TIMM21: variants seen among roughly 807,000 people sequenced by gnomAD.
TIMM21 encodes translocase of inner mitochondrial membrane 21.
In TIMM21, 30 loss-of-function variants were observed where a neutral mutation model predicts 27.7. The ratio of observed to expected loss-of-function variants is 1.08; its 90% CI spans 0.81 to 1.47. The LOEUF (loss-of-function observed/expected upper bound fraction) is 1.47, where lower values mean the gene tolerates loss of function less well. Among genes scored for constraint, TIMM21 ranks in the 40% most tolerant of loss-of-function variants. The probability of loss-of-function intolerance (pLI) is 0.00; values close to 1 mark genes in which losing one functional copy is unlikely to be tolerated. For synonymous variants in TIMM21, 121 were observed against 114.4 expected (o/e 1.06, Z -0.37); for missense variants, 292 against 302.9 (o/e 0.96, Z 0.27).
At chr18:74,153,854 G>GT (rs1333668986) in intron 1 of TIMM21, among the ~76,000 whole-genome samples, 1 of 152,220 alleles carries the variant, frequency 6.6e-6, no homozygotes, top group South Asian at 2.1e-4. Context: ...TCTTCCAAAA[G>GT]TTTTTTTCTT....
Position 74,158,196 on chromosome 18 carries a change from C to G in TIMM21, c.562C>G (p.Leu188Val). 1 of 1,614,104 alleles carries G rather than the reference C, an allele frequency of 6.2e-7. No homozygotes were observed. Among genetic ancestry groups the G allele is most frequent in the Non-Finnish European group, 8.5e-7 (1 of 1,180,018 alleles). Reference sequence around the variant, plus strand: ...GTTCACTGAATATGTAAAAGATGGGCTGAAACACACGTGTGTGAAATTCTA... The same window carrying G: ...GTTCACTGAATATGTAAAAGATGGGGTGAAACACACGTGTGTGAAATTCTA... Reference protein sequence around the residue: ...VRFTEYVKDGLKHTCVKFYIE... With the variant: ...VRFTEYVKDGVKHTCVKFYIE... The change falls in exon 5 of 6, where the codon CTG (leucine) becomes GTG (valine). Residue 188 changes from leucine (L) to valine (V), a missense_variant. Coordinates refer to ENST00000169551, the MANE Select transcript of TIMM21 (RefSeq NM_014177.3).
chr18:74,148,812 A>G lies in TIMM21; in HGVS notation c.4A>G (p.Ile2Val). ...AGCGGAACGATTTTCCGTGAACATG[A>G]TTTGTACTTTTCTACGAGCCGTACA... The part of the protein sequence containing the change: M[I>V]CTFLRAVQYT... The change falls in exon 1 of 6, where the codon ATT becomes GTT. Residue 2 changes from isoleucine (I) to valine (V), a missense_variant. Ile to Val is a conservative substitution (Grantham distance 29). Transcript: ENST00000169551. The G allele has an allele frequency of 6.2e-7, 1 of 1,602,408 alleles. No individual in the cohort carries two copies. The highest frequency in any genetic ancestry group is 1.1e-5 in the South Asian group (1 of 90,864).
rs573278070 is a variant in TIMM21, at chr18:74,152,374, C to T, written c.302-2771C>T. On this transcript the variant is annotated intron_variant, in intron 1 of 5. Coordinates refer to ENST00000169551, the MANE Select transcript of TIMM21 (RefSeq NM_014177.3). The surrounding 1 kb of genome is among the most constrained non-coding windows in gnomAD (Gnocchi z 4.1). ...GGGTGCAATTTGAGTCTTGTTCTGCCGGGGAGGAGGCTCCTGCCCTTGGCA... is the reference window on the plus strand; with the variant it reads ...GGGTGCAATTTGAGTCTTGTTCTGCTGGGGAGGAGGCTCCTGCCCTTGGCA... 5.3e-5 allele frequency among the ~76,000 whole-genome samples: 8 copies of T among 152,238 alleles called. No individual in the cohort carries two copies. The South Asian group carries it at 6.2e-4, about 12-fold the overall frequency.
chr18:74,148,750 C>T lies in TIMM21; in HGVS notation c.-59C>T. 1.3e-6 allele frequency: 2 copies of T among 1,548,840 alleles called. No individual in the cohort carries two copies. Among genetic ancestry groups the T allele is most frequent in the Non-Finnish European group, 1.8e-6 (2 of 1,135,684 alleles). ...GTGTCCGGCCGCATGTGTAGTGAAC[C>T]CTAAAGCTTTCCTAATTGTAGTTAG... is the stretch of plus-strand genomic sequence containing the variant. On this transcript the variant is annotated 5_prime_UTR_variant, in exon 1 of 6. Coordinates refer to ENST00000169551, the MANE Select transcript of TIMM21 (RefSeq NM_014177.3).
intron 1 of TIMM21, 44 bp from the exon 2 acceptor site, chr18:74,155,101 C>T (rs549469399): frequency 1.3e-6 from 2 of 1,599,390 alleles, no homozygotes; most frequent in African/African-American, 2.7e-5. Context: ...AGCTTGCCTG[C>T]TCCCAGCCGG....
chr18:74,151,937 T>TCTC lies in TIMM21; in HGVS notation c.301+2829_301+2830insTCC, dbSNP rs1555682293. Among the ~76,000 whole-genome samples, 15 of 94,294 alleles carry TCTC rather than the reference T, an allele frequency of 1.6e-4. 1 individual carries two copies. Among genetic ancestry groups the TCTC allele is most frequent in the African/African-American group, 6.5e-4 (11 of 16,880 alleles). 61.9% of individuals were successfully genotyped at this position (94,294 alleles called of 152,430 possible). On this transcript the variant is annotated intron_variant, in intron 1 of 5. Coordinates refer to ENST00000169551, the MANE Select transcript of TIMM21 (RefSeq NM_014177.3). ...CCTTAAGAAGCAGTGGTGTCTATGTTCCCCCCCCCCCCGGGGGGACCTCCA... is the reference window on the plus strand; with the variant it reads ...CCTTAAGAAGCAGTGGTGTCTATGTTCTCCCCCCCCCCCCCGGGGGGACCTCCA...
intron 1 of TIMM21, among the ~76,000 whole-genome samples, chr18:74,154,783 TACTA>T (rs1270726277): frequency 2.0e-5 from 3 of 152,200 alleles, no homozygotes; most frequent in South Asian, 2.1e-4. Flanking sequence ...TCGAGCTAGT[TACTA>T]ACTGTTAAGA....
rs1345249224 is a variant in TIMM21, at chr18:74,152,638, G to A, written c.302-2507G>A. Among the ~76,000 whole-genome samples, 1 of 152,182 alleles carries A rather than the reference G, an allele frequency of 6.6e-6. No individual in the cohort carries two copies. Among genetic ancestry groups the A allele is most frequent in the Non-Finnish European group, 1.5e-5 (1 of 68,032 alleles). ...CTGTCAGTACCCCCCTACCACCAGG[G>A]ACAGGGTCCTCATTGCCAGCCAGTG... On this transcript the variant is annotated intron_variant, in intron 1 of 5. Coordinates refer to ENST00000169551, the MANE Select transcript of TIMM21 (RefSeq NM_014177.3). The surrounding 1 kb of genome is among the most constrained non-coding windows in gnomAD (Gnocchi z 4.1).
In TIMM21 at chr18:74,158,754, G is replaced by A. The variant is rs916793064; in HGVS notation, c.*274G>A. ...ATTAGAAATGTTTGTTATTGGAAAT[G>A]TTACACCATGTAAATAAAGGAAATA... is the stretch of plus-strand genomic sequence containing the variant. On this transcript the variant is annotated 3_prime_UTR_variant, in exon 6 of 6. Coordinates refer to ENST00000169551, the MANE Select transcript of TIMM21 (RefSeq NM_014177.3). 39 of 322,672 alleles carry A rather than the reference G, an allele frequency of 1.2e-4. No individual in the cohort carries two copies. In the Admixed American group the frequency reaches 1.8e-3, roughly 15 times the overall value. The allele number at this position is 322,672 out of a possible 1,614,324, so 20.0% of individuals were successfully genotyped here.
intron 1 of TIMM21, among the ~76,000 whole-genome samples, chr18:74,153,649 A>G (rs1979870299): frequency 6.6e-6 from 1 of 152,332 alleles, no homozygotes; most frequent in East Asian, 1.9e-4. Flanking sequence ...TTGGCAGATG[A>G]GGTCTTTTTA....
intron 1 of TIMM21, among the ~76,000 whole-genome samples, chr18:74,153,187 C>T (rs796922275): frequency 6.6e-6 from 1 of 152,226 alleles, no homozygotes; most frequent in African/African-American, 2.4e-5. Context: ...GAAAGTTAGA[C>T]AGTGAGCAGC....
At chr18:74,156,694 G>T (rs1038297685) in intron 3 of TIMM21, 1 of 162,664 alleles carries the variant, frequency 6.1e-6, no homozygotes, top group Non-Finnish European at 1.3e-5. Flanking sequence ...TGTTTTATTC[G>T]CAAACTCAGC....
intron 1 of TIMM21, among the ~76,000 whole-genome samples, chr18:74,149,562 G>C (rs995950671): frequency 6.6e-6 from 1 of 151,568 alleles, no homozygotes; most frequent in African/African-American, 2.4e-5. Context: ...TTTTTTTAAT[G>C]TCTTCATTTC....
rs186647303 is a variant in TIMM21, at chr18:74,158,263, C to T, written c.629C>T (p.Ala210Val). Residue 210 changes from alanine to valine, a missense_variant, in exon 5 of 6, where the codon GCG becomes GTG. Physicochemically the swap from Ala to Val is moderately conservative, Grantham distance 64. Coordinates refer to ENST00000169551, the MANE Select transcript of TIMM21 (RefSeq NM_014177.3). ...SEPGKQGTVY[A>V]QVKENPGSGE... ...CCAGGGAAGCAAGGAACGGTGTATGCGCAAGTGAAAGAGGTGTGGGAATCA... is the reference window on the plus strand; with the variant it reads ...CCAGGGAAGCAAGGAACGGTGTATGTGCAAGTGAAAGAGGTGTGGGAATCA... 90 of 1,613,992 alleles carry T rather than the reference C, an allele frequency of 5.6e-5. No homozygotes were observed. The highest frequency in any genetic ancestry group is 5.6e-4 in the East Asian group (25 of 44,880).
rs1372212661 is a variant in TIMM21, at chr18:74,148,818, A to G, written c.10A>G (p.Thr4Ala). 6 of 1,603,074 alleles carry G rather than the reference A, an allele frequency of 3.7e-6. No homozygotes were observed. In the East Asian group the frequency reaches 6.7e-5, roughly 18 times the overall value. ...ACGATTTTCCGTGAACATGATTTGT[A>G]CTTTTCTACGAGCCGTACAGTATAC... MICTFLRAVQYTEK... is the reference protein window; with the variant it reads MICAFLRAVQYTEK... Residue 4 changes from threonine to alanine, a missense_variant, in exon 1 of 6, where the codon ACT (threonine) becomes GCT (alanine). Coordinates refer to ENST00000169551, the MANE Select transcript of TIMM21 (RefSeq NM_014177.3).
Position 74,152,332 on chromosome 18 carries a change from C to T in TIMM21, c.302-2813C>T, listed in dbSNP as rs940486773. Among the ~76,000 whole-genome samples the T allele has an allele frequency of 3.3e-5, 5 of 152,112 alleles. No homozygotes were observed. Among genetic ancestry groups the T allele is most frequent in the African/African-American group, 9.7e-5 (4 of 41,438 alleles). ...TCCCTTCCGCCCCAGACCTCACCCA[C>T]GCATTTTCTATCCTCTGGGTGCAAT... On this transcript the variant is annotated intron_variant, in intron 1 of 5. Transcript: ENST00000169551. The surrounding 1 kb of genome is among the most constrained non-coding windows in gnomAD (Gnocchi z 4.1).
rs1979685166 is a variant in TIMM21, at chr18:74,148,794, C to G, written c.-15C>G. The G allele has an allele frequency of 6.3e-7, 1 of 1,598,766 alleles. No individual in the cohort carries two copies. Among genetic ancestry groups the G allele is most frequent in the Non-Finnish European group, 8.6e-7 (1 of 1,167,778 alleles). ...TAGTTAGCATCGTCCCTAAGCGGAA[C>G]GATTTTCCGTGAACATGATTTGTAC... On this transcript the variant is annotated 5_prime_UTR_variant, in exon 1 of 6. Transcript: ENST00000169551.
chr18:74,153,756 A>G (rs1332812707), intron 1 of TIMM21, among the ~76,000 whole-genome samples: 1 of 152,254 alleles, frequency 6.6e-6, no homozygotes, highest in East Asian at 1.9e-4. Context: ...TGTATTAGCT[A>G]AATACTTCTT....
rs530728508 is a variant in TIMM21, at chr18:74,151,871, A to C, written c.301+2762A>C. On this transcript the variant is annotated intron_variant, in intron 1 of 5. Coordinates refer to ENST00000169551, the MANE Select transcript of TIMM21 (RefSeq NM_014177.3). ...ACAGGAGCGTGCCCCATGCTGATCA[A>C]CTCTCAGCTGGTTTTGTGTTCTGTG... 2.0e-5 allele frequency among the ~76,000 whole-genome samples: 3 copies of C among 148,648 alleles called. No homozygotes were observed. In the South Asian group the frequency reaches 6.3e-4, roughly 31 times the overall value.
Sources: allele counts gnomAD v4.1 joint callset (sites outside exome capture counted in the v4.1 genomes callset), GRCh38; gene constraint gnomAD v4.1.1; non-coding constraint Gnocchi (gnomAD v3.1); transcripts MANE v1.5; gene names NCBI Gene and HGNC (gene_info 2026-07-23, HGNC 2026-07-21).